The following GMDS variants were observed in gnomAD, a reference collection of about 807,000 sequenced individuals.
The protein encoded by GMDS is GDP-mannose 4,6 dehydratase.
Under a neutral mutation model 49.9 loss-of-function variants are expected in GMDS, and 20 were observed. The observed-to-expected ratio is 0.40, with a 90% confidence interval of 0.28 to 0.58. The LOEUF is 0.58. Ranked by LOEUF, GMDS falls within the 20% of genes least tolerant of loss-of-function variation. GMDS has a pLI of 0.42. For synonymous variants in GMDS, 177 were observed against 178.6 expected, an observed-to-expected ratio of 0.99 and a Z score of 0.07; for missense variants, 362 against 481.4, an observed-to-expected ratio of 0.75 and a Z score of 2.32.
At chr6:1,738,791 TC>T (rs371054888) in intron 8 of GMDS, among the ~76,000 whole-genome samples, 109 of 152,322 alleles carry the variant, frequency 7.2e-4, no homozygotes, top group African/African-American at 2.3e-3. Context: ...CTCAAATCAA[TC>T]GCTCCTCTCC....
At chr6:2,172,973 G>T (rs571037884) in intron 1 of GMDS, among the ~76,000 whole-genome samples, 1 of 152,098 alleles carries the variant, frequency 6.6e-6, no homozygotes, top group Admixed American at 6.5e-5. Flanking sequence ...AAGAAAATTT[G>T]AAAATTTCAA....
intron 7 of GMDS, among the ~76,000 whole-genome samples, chr6:1,838,993 C>A (rs528405967): frequency 6.6e-6 from 1 of 152,164 alleles, no homozygotes; most frequent in Non-Finnish European, 1.5e-5. Context: ...CTAAGTACAA[C>A]GACAAGTGTT....
intron 7 of GMDS, among the ~76,000 whole-genome samples, chr6:1,804,865 T>C (rs1018638420): frequency 2.0e-5 from 3 of 152,226 alleles, no homozygotes; most frequent in African/African-American, 7.2e-5. Context: ...TGCCAAACTT[T>C]AAGGCATAGA....
intron 1 of GMDS, among the ~76,000 whole-genome samples, chr6:2,218,023 A>G (rs1181424968): frequency 6.6e-6 from 1 of 152,252 alleles, no homozygotes; most frequent in African/African-American, 2.4e-5. Flanking sequence ...AAATGAGCTG[A>G]CAAGTGGTTT....
intron 4 of GMDS, among the ~76,000 whole-genome samples, chr6:2,052,985 T>G (rs1207307369): frequency 1.3e-5 from 2 of 152,244 alleles, no homozygotes; most frequent in African/African-American, 2.4e-5. Flanking sequence ...GCTAAGTTTT[T>G]TCTGCTCCTT....
intron 4 of GMDS, among the ~76,000 whole-genome samples, chr6:2,067,557 A>G (rs1771688663): frequency 6.6e-6 from 1 of 152,110 alleles, no homozygotes; most frequent in Non-Finnish European, 1.5e-5. Context: ...AATCAAATAG[A>G]CACAATAAAA....
At chr6:1,786,540 G>C (rs991229044) in intron 7 of GMDS, among the ~76,000 whole-genome samples, 1 of 152,226 alleles carries the variant, frequency 6.6e-6, no homozygotes, top group African/African-American at 2.4e-5. Flanking sequence ...GCCACACACT[G>C]GGGCCAAATG....
In GMDS at chr6:2,145,583, C is replaced by A. The variant is rs1007986362; in HGVS notation, c.103-20852G>T. 1.4e-4 allele frequency among the ~76,000 whole-genome samples: 21 copies of A among 150,984 alleles called. No homozygotes were observed. In the East Asian group the frequency reaches 3.9e-3, roughly 28 times the overall value. The stretch of plus-strand genomic sequence containing the variant: ...TAAATAAATAAAATAAAGAGACAAC[C>A]CAATGGAAACACAGATGGCCCGCTG... On this transcript the variant is annotated intron_variant, in intron 1 of 10. Transcript: ENST00000380815.
intron 4 of GMDS, among the ~76,000 whole-genome samples, chr6:2,082,845 T>C (rs1339712432): frequency 3.3e-5 from 5 of 152,246 alleles, no homozygotes; most frequent in African/African-American, 7.2e-5. Flanking sequence ...AATATTTATC[T>C]AATTCAATAT....
At chr6:1,793,212 G>A (rs541106559) in intron 7 of GMDS, among the ~76,000 whole-genome samples, 13 of 152,222 alleles carry the variant, frequency 8.5e-5, no homozygotes, top group Non-Finnish European at 1.3e-4. Context: ...CCAATGTCCT[G>A]TGTTCTATGA....
At chr6:1,731,298 T>C (rs1017548433) in intron 8 of GMDS, among the ~76,000 whole-genome samples, 3 of 151,992 alleles carry the variant, frequency 2.0e-5, no homozygotes, top group Admixed American at 1.3e-4. Flanking sequence ...ACAGAAAAAA[T>C]GGAGCAGAGC....
chr6:1,792,648 A>C (rs986841061), intron 7 of GMDS, among the ~76,000 whole-genome samples: 7 of 152,196 alleles, frequency 4.6e-5, no homozygotes, highest in Non-Finnish European at 8.8e-5. Context: ...AATTACATTA[A>C]AAATGATATG....
At chr6:1,860,126 A>G (rs1758114367) in intron 7 of GMDS, among the ~76,000 whole-genome samples, 1 of 152,220 alleles carries the variant, frequency 6.6e-6, no homozygotes, top group South Asian at 2.1e-4. Flanking sequence ...TACAAGAATT[A>G]AAAATTAACC....
At chr6:2,179,882 C>T (rs1011699358) in intron 1 of GMDS, among the ~76,000 whole-genome samples, 4 of 148,778 alleles carry the variant, frequency 2.7e-5, no homozygotes, top group African/African-American at 9.9e-5. Flanking sequence ...TATCCTGAAA[C>T]ACTCATCTAT....
intron 4 of GMDS, among the ~76,000 whole-genome samples, chr6:2,081,635 G>A (rs1265729604): frequency 6.6e-6 from 1 of 152,034 alleles, no homozygotes; most frequent in Non-Finnish European, 1.5e-5. Context: ...CCACAACCCT[G>A]AAAGTCACAG....
chr6:2,179,120 C>G (rs181683143), intron 1 of GMDS, among the ~76,000 whole-genome samples: 167 of 152,222 alleles, frequency 1.1e-3, no homozygotes, highest in Admixed American at 1.8e-3. Flanking sequence ...ACATGAGCAT[C>G]GTAAACACAG....
chr6:1,918,993 G>C (rs1761567212), intron 7 of GMDS, among the ~76,000 whole-genome samples: 1 of 152,188 alleles, frequency 6.6e-6, no homozygotes, highest in Non-Finnish European at 1.5e-5. Flanking sequence ...TCTTGTGCTA[G>C]CTAAAGAAAG....
At chr6:2,176,403 G>A (rs1391423046) in intron 1 of GMDS, among the ~76,000 whole-genome samples, 1 of 152,156 alleles carries the variant, frequency 6.6e-6, no homozygotes, top group African/African-American at 2.4e-5. Context: ...CAGCTAAGTT[G>A]TTTCACATGT....
intron 1 of GMDS, among the ~76,000 whole-genome samples, chr6:2,137,641 C>T (rs1776076979): frequency 6.6e-6 from 1 of 152,162 alleles, no homozygotes; most frequent in Non-Finnish European, 1.5e-5. Flanking sequence ...GCCCATATTC[C>T]CTTTTTAAGT....
Sources: gnomAD v4.1 joint callset for allele counts (sites outside exome capture counted in the v4.1 genomes callset) on GRCh38, gnomAD v4.1.1 for gene constraint, MANE v1.5 for transcripts, NCBI Gene and HGNC (gene_info 2026-07-23, HGNC 2026-07-21) for gene names.